The following CSMD1 variants were observed in gnomAD, a reference collection of about 807,000 sequenced individuals.
The protein encoded by CSMD1 is CUB and Sushi multiple domains 1.
A neutral mutation model predicts 417.5 loss-of-function variants in CSMD1; 213 were observed. The observed-to-expected ratio is 0.51, with a 90% CI of 0.46 to 0.57. The LOEUF (loss-of-function observed/expected upper bound fraction) is 0.57. Among genes scored for constraint, CSMD1 ranks in the 20% least tolerant of loss-of-function variants. The probability of loss-of-function intolerance (pLI) is 0.00; values close to 1 mark genes in which losing one functional copy is unlikely to be tolerated. For missense variants in CSMD1, 6,923 were observed against 4,529.7 expected, an observed-to-expected ratio of 1.53 and a Z score of -15.17; for synonymous variants, 2,862 against 1,736.8, an observed-to-expected ratio of 1.65 and a Z score of -16.11.
intron 7 of CSMD1, among the ~76,000 whole-genome samples, chr8:3,622,935 T>A (rs1796327169): frequency 1.3e-5 from 2 of 152,336 alleles, no homozygotes; most frequent in East Asian, 1.9e-4. Context: ...GGGCTTAATA[T>A]CACTTTAACT....
At chr8:3,274,079 C>T (rs1802081161) in intron 26 of CSMD1, among the ~76,000 whole-genome samples, 2 of 151,562 alleles carry the variant, frequency 1.3e-5, no homozygotes, top group African/African-American at 2.4e-5. Context: ...CTATAAATTT[C>T]CCTCTACACA....
At chr8:3,796,781 T>A (rs1354977374) in intron 5 of CSMD1, among the ~76,000 whole-genome samples, 1 of 151,320 alleles carries the variant, frequency 6.6e-6, no homozygotes, top group Non-Finnish European at 1.5e-5. Context: ...CATCATATTC[T>A]TGAAATTCCA....
At chr8:4,982,086 C>T (rs974251339) in intron 1 of CSMD1, among the ~76,000 whole-genome samples, 1 of 152,176 alleles carries the variant, frequency 6.6e-6, no homozygotes, top group Non-Finnish European at 1.5e-5. Context: ...GATTCTACCC[C>T]AGCTGAGCCT....
At chr8:3,057,039 T>A (rs1224300073) in intron 49 of CSMD1, among the ~76,000 whole-genome samples, 6 of 152,068 alleles carry the variant, frequency 3.9e-5, no homozygotes, top group African/African-American at 1.4e-4. Flanking sequence ...TAGAGACAGA[T>A]AATGGAGAAA....
Position 4,012,848 on chromosome 8 carries a change from G to A in CSMD1, c.611-14738C>T, listed in dbSNP as rs138645766. On this transcript the variant is annotated intron_variant, in intron 4 of 69. Transcript: ENST00000635120. Reference sequence around the variant, plus strand: ...CCAGTGTTGCACGAGAAGACACACGGTGCCATCCATGACTCTTCTATGTCT... The same window carrying A: ...CCAGTGTTGCACGAGAAGACACACGATGCCATCCATGACTCTTCTATGTCT... Among the ~76,000 whole-genome samples, 273 of 152,144 alleles carry A rather than the reference G, an allele frequency of 1.8e-3. 1 individual carries two copies. Among genetic ancestry groups the A allele is most frequent in the African/African-American group, 6.1e-3 (251 of 41,472 alleles).
intron 2 of CSMD1, among the ~76,000 whole-genome samples, chr8:4,442,586 T>C (rs1352832577): frequency 6.6e-6 from 1 of 152,190 alleles, no homozygotes; most frequent in East Asian, 1.9e-4. Flanking sequence ...CACTTATAGC[T>C]CTTCCCCAAA....
intron 1 of CSMD1, among the ~76,000 whole-genome samples, chr8:4,880,671 G>C (rs1177033456): frequency 6.6e-6 from 1 of 152,022 alleles, no homozygotes; most frequent in Non-Finnish European, 1.5e-5. Context: ...TGGAGACAGA[G>C]AGACTTTTCT....
intron 3 of CSMD1, among the ~76,000 whole-genome samples, chr8:4,189,384 C>T (rs34128707): frequency 6.6e-6 from 1 of 151,708 alleles, no homozygotes; most frequent in African/African-American, 2.4e-5. Context: ...CATGAATATT[C>T]TAACTCTACC....
At chr8:4,542,631 G>T (rs1375333568) in intron 2 of CSMD1, among the ~76,000 whole-genome samples, 1 of 152,152 alleles carries the variant, frequency 6.6e-6, no homozygotes, top group Non-Finnish European at 1.5e-5. Context: ...TTGCTCCAAT[G>T]CAAGAGAATG....
At chr8:4,628,259 T>C (rs540502796) in intron 2 of CSMD1, among the ~76,000 whole-genome samples, 1 of 151,550 alleles carries the variant, frequency 6.6e-6, no homozygotes, top group East Asian at 2.0e-4. Context: ...ATTCTTGGTC[T>C]TTCATACCTC....
chr8:4,554,550 T>A (rs1526334), intron 2 of CSMD1, among the ~76,000 whole-genome samples: 1 of 152,042 alleles, frequency 6.6e-6, no homozygotes, highest in East Asian at 1.9e-4. Context: ...AATAGTTGAG[T>A]TGTATGGAAG....
chr8:3,228,658 C>A (rs1034229229), intron 27 of CSMD1, among the ~76,000 whole-genome samples: 2 of 151,886 alleles, frequency 1.3e-5, no homozygotes, highest in Admixed American at 6.6e-5. Context: ...TAGGAGATGG[C>A]CAACTTTTAT....
chr8:4,722,116 G>C (rs183797886), intron 1 of CSMD1, among the ~76,000 whole-genome samples: 1 of 152,060 alleles, frequency 6.6e-6, no homozygotes, highest in Non-Finnish European at 1.5e-5. Flanking sequence ...ATAGGTAATA[G>C]TGTTATGTTG....
intron 3 of CSMD1, among the ~76,000 whole-genome samples, chr8:4,358,059 T>C (rs149779190): frequency 5.3e-5 from 8 of 152,318 alleles, no homozygotes; most frequent in Admixed American, 3.9e-4. Flanking sequence ...GATTTACATG[T>C]ATACTTACGT....
rs546812005 is a variant in CSMD1, at chr8:4,104,179, T to C, written c.416-72080A>G. On this transcript the variant is annotated intron_variant, in intron 3 of 69. Coordinates refer to ENST00000635120, the MANE Select transcript of CSMD1 (RefSeq NM_033225.6). The stretch of plus-strand genomic sequence containing the variant: ...ACTGTCCTTGATTTTCACTGGAATT[T>C]AGTTCATTCTCTAGGGTCATAGTGT... 2.7e-3 allele frequency among the ~76,000 whole-genome samples: 417 copies of C among 152,354 alleles called. 2 individuals carry two copies. The highest frequency in any genetic ancestry group is 4.1e-3 in the Non-Finnish European group (280 of 68,038).
chr8:4,790,108 A>C (rs1469244053), intron 1 of CSMD1, among the ~76,000 whole-genome samples: 1 of 152,228 alleles, frequency 6.6e-6, no homozygotes, highest in Non-Finnish European at 1.5e-5. Context: ...AAGCTCCATC[A>C]CTTGTGATAT....
At chr8:4,020,161 T>C (rs1585144718) in intron 4 of CSMD1, among the ~76,000 whole-genome samples, 1 of 152,134 alleles carries the variant, frequency 6.6e-6, no homozygotes, top group African/African-American at 2.4e-5. Context: ...ATTTAATCTT[T>C]ACAACAGATT....
At chr8:3,864,135 T>G (rs1294403078) in intron 5 of CSMD1, among the ~76,000 whole-genome samples, 1 of 152,182 alleles carries the variant, frequency 6.6e-6, no homozygotes, top group Non-Finnish European at 1.5e-5. Flanking sequence ...AAAAAAAATG[T>G]GACCAGCATT....
intron 3 of CSMD1, among the ~76,000 whole-genome samples, chr8:4,381,662 T>C (rs929564809): frequency 6.6e-6 from 1 of 152,166 alleles, no homozygotes; most frequent in African/African-American, 2.4e-5. Flanking sequence ...CCAACCCTCA[T>C]TCCCCAGTGT....
Sources: allele counts gnomAD v4.1 joint callset (sites outside exome capture counted in the v4.1 genomes callset), GRCh38; gene constraint gnomAD v4.1.1; transcripts MANE v1.5; gene names NCBI Gene and HGNC (gene_info 2026-07-23, HGNC 2026-07-21).